MRPL17: variants seen among roughly 807,000 people sequenced by gnomAD.
MRPL17 encodes mitochondrial ribosomal protein L17, also known as large ribosomal subunit protein bL17m.
Under a neutral mutation model 12.0 loss-of-function variants are expected in MRPL17, and 8 were observed. That is an observed-to-expected ratio of 0.67 (90% CI 0.39 to 1.21). The LOEUF (loss-of-function observed/expected upper bound fraction) is 1.21. Among genes scored for constraint, MRPL17 ranks in the 50% most tolerant of loss-of-function variants. The probability of loss-of-function intolerance (pLI) is 0.01; values close to 1 mark genes in which losing one functional copy is unlikely to be tolerated. For synonymous variants in MRPL17, 107 were observed against 92.9 expected, an observed-to-expected ratio of 1.15 and a Z score of -0.87; for missense variants, 263 against 234.4, an observed-to-expected ratio of 1.12 and a Z score of -0.80.
rs1846558648 is a variant in MRPL17 at position 6,681,086 on chromosome 11, A to G, written c.*1032T>C. ...CACTCAGAAGATAGAGCCTAAGATA[A>G]AATCTCTTCTACCCACTTTACTGGG... On this transcript the variant is annotated 3_prime_UTR_variant, in exon 3 of 3. Coordinates refer to ENST00000288937, the MANE Select transcript of MRPL17 (RefSeq NM_022061.4). 6.6e-6 allele frequency: 1 copy of G among 152,184 alleles called. No individual in the cohort carries two copies. The highest frequency in any genetic ancestry group is 1.5e-5 in the Non-Finnish European group (1 of 68,052). 9.4% of individuals were successfully genotyped at this position (152,184 alleles called of 1,614,324 possible).
chr11:6,682,218 G>A lies in MRPL17; in HGVS notation c.428C>T (p.Thr143Ile), dbSNP rs1846573409. The A allele has an allele frequency of 6.2e-7, 1 of 1,614,092 alleles. No individual in the cohort carries two copies. Among genetic ancestry groups the A allele is most frequent in the African/African-American group, 1.3e-5 (1 of 74,926 alleles). The stretch of plus-strand genomic sequence containing the variant: ...ACCCTGCAGCAGCTGGTTTAGGAGT[G>A]TAAGGTGGCTGTCTCTGCGAGGCAG... Reference protein sequence around the residue: ...LPLPRRDSHLTLLNQLLQGLR... With the variant: ...LPLPRRDSHLILLNQLLQGLR... The change falls in exon 3 of 3, where the codon ACA becomes ATA. Residue 143 changes from threonine to isoleucine, a missense_variant. Transcript: ENST00000288937.
intron 1 of MRPL17, 55 bp downstream of exon 1, chr11:6,683,068 G>A: frequency 1.3e-6 from 2 of 1,564,984 alleles, no homozygotes; most frequent in Non-Finnish European, 1.7e-6. Flanking sequence ...CTTGCAGCCG[G>A]CTCCGCCCCC....
At chr11:6,682,946 G>T in intron 1 of MRPL17, 131 bp from the exon 2 acceptor site, 1 of 1,265,350 alleles carries the variant, frequency 7.9e-7, no homozygotes, top group Non-Finnish European at 1.1e-6. Flanking sequence ...CCCTAACTCC[G>T]CAGCCCTAAC....
At chr11:6,683,099 G>C in intron 1 of MRPL17, 24 bp downstream of exon 1, 1 of 1,607,542 alleles carries the variant, frequency 6.2e-7, no homozygotes, top group South Asian at 1.1e-5. Flanking sequence ...CCCGCAGAGT[G>C]GACAAGAGGG....
Position 6,681,929 on chromosome 11 carries a change from A to G in MRPL17, c.*189T>C. On this transcript the variant is annotated 3_prime_UTR_variant, in exon 3 of 3. Coordinates refer to ENST00000288937, the MANE Select transcript of MRPL17 (RefSeq NM_022061.4). ...CAGGAAGGAAAAAATAAATAAATTT[A>G]TATATATTCATATAAAGACTTTTAT... is the stretch of plus-strand genomic sequence containing the variant. The G allele has an allele frequency of 2.6e-6, 1 of 383,884 alleles. No homozygotes were observed. The highest frequency in any genetic ancestry group is 4.5e-6 in the Non-Finnish European group (1 of 223,164). The allele number at this position is 383,884 out of a possible 1,614,324, so 23.8% of individuals were successfully genotyped here.
rs1035601237 is a variant in MRPL17, at chr11:6,680,785, T to C, written c.*1333A>G. ...GGTATATTTTTTAGCAGAAGCAGAG[T>C]TGTAGCTTTATTTCATAAATGTTTT... On this transcript the variant is annotated 3_prime_UTR_variant, in exon 3 of 3. Transcript: ENST00000288937. 5 of 152,166 alleles carry C rather than the reference T, an allele frequency of 3.3e-5. No homozygotes were observed. Among genetic ancestry groups the C allele is most frequent in the African/African-American group, 9.7e-5 (4 of 41,444 alleles). 9.4% of individuals were successfully genotyped at this position (152,166 alleles called of 1,614,324 possible).
chr11:6,682,649 T>G, intron 2 of MRPL17, 98 bp downstream of exon 2: 2 of 1,244,266 alleles, frequency 1.6e-6, no homozygotes, highest in South Asian at 2.4e-5. Context: ...GGCCCATAAG[T>G]GAGTACCCAA....
chr11:6,683,264 A>T lies in MRPL17; in HGVS notation c.33T>A (p.His11Gln), dbSNP rs752868166. The change falls in exon 1 of 3, where the codon CAT becomes CAA. Residue 11 changes from histidine to glutamine, a missense_variant. Coordinates refer to ENST00000288937, the MANE Select transcript of MRPL17 (RefSeq NM_022061.4). MRLSVAAAIS[H>Q]GRVFRRMGLG... is the part of the protein sequence containing the mutation. ...GGCCCATACGGCGAAATACGCGGCC[A>T]TGGGAGATCGCTGCAGCGACCGACA... is the stretch of plus-strand genomic sequence containing the variant. The T allele has an allele frequency of 1.2e-5, 19 of 1,613,790 alleles. No homozygotes were observed. The highest frequency in any genetic ancestry group is 1.4e-5 in the Non-Finnish European group (17 of 1,179,928).
chr11:6,682,768 G>A lies in MRPL17; in HGVS notation c.222C>T (p.Arg74=), dbSNP rs749069071. 1 of 1,614,182 alleles carries A rather than the reference G, an allele frequency of 6.2e-7. No homozygotes were observed. The highest frequency in any genetic ancestry group is 8.5e-7 in the Non-Finnish European group (1 of 1,180,030). ...KLGDTNERAM[R]MADFWLTEKD... is the part of the protein sequence containing the mutation. ...TCACTGTGAGCCAGAAGTCAGCCATGCGCATGGCTCGTTCGTTAGTGTCTC... is the reference window on the plus strand; with the variant it reads ...TCACTGTGAGCCAGAAGTCAGCCATACGCATGGCTCGTTCGTTAGTGTCTC... The change falls in exon 2 of 3, where the codon CGC becomes CGT. Residue 74 remains arginine, a synonymous_variant. Transcript: ENST00000288937.
chr11:6,682,285 C>A lies in MRPL17; in HGVS notation c.361G>T (p.Ala121Ser), dbSNP rs1386664303. The A allele has an allele frequency of 1.2e-6, 2 of 1,614,188 alleles. No individual in the cohort carries two copies. Among genetic ancestry groups the A allele is most frequent in the Non-Finnish European group, 1.7e-6 (2 of 1,180,030 alleles). ...CAATTCCCTTTATACTCGATCACTGCCATCTTGGCCCGATCCAAACTCCGA... is the reference window on the plus strand; with the variant it reads ...CAATTCCCTTTATACTCGATCACTGACATCTTGGCCCGATCCAAACTCCGA... The part of the protein sequence containing the change: ...PNRSLDRAKM[A>S]VIEYKGNCLP... Residue 121 changes from alanine (A) to serine (S), a missense_variant, in exon 3 of 3, where the codon GCA (alanine) becomes TCA (serine). By Grantham distance (99) the Ala-to-Ser change is moderately conservative. Transcript: ENST00000288937.
chr11:6,682,189 G>A lies in MRPL17; in HGVS notation c.457C>T (p.Arg153Trp), dbSNP rs1411236417. Residue 153 changes from arginine to tryptophan, a missense_variant, in exon 3 of 3, where the codon CGG (arginine) becomes TGG (tryptophan). Coordinates refer to ENST00000288937, the MANE Select transcript of MRPL17 (RefSeq NM_022061.4). The stretch of plus-strand genomic sequence containing the variant: ...TCCTGGCTTTGCCTGAGGTCCTGCC[G>A]CAAACCCTGCAGCAGCTGGTTTAGG... Reference protein sequence around the residue: ...TLLNQLLQGLRQDLRQSQEAS... With the variant: ...TLLNQLLQGLWQDLRQSQEAS... The A allele has an allele frequency of 2.5e-6, 4 of 1,614,134 alleles. No individual in the cohort carries two copies. The highest frequency in any genetic ancestry group is 1.7e-4 in the Middle Eastern group (1 of 6,056).
Position 6,682,351 on chromosome 11 carries a change from C to T in MRPL17, c.295G>A (p.Asp99Asn). 6.2e-7 allele frequency: 1 copy of T among 1,614,170 alleles called. No homozygotes were observed. The highest frequency in any genetic ancestry group is 2.2e-5 in the East Asian group (1 of 44,880). ...ATTCTTGTGTAGCCCCCAGTTTGATCTTTGTACCGAGGGGCCAGTACTTGA... is the reference window on the plus strand; with the variant it reads ...ATTCTTGTGTAGCCCCCAGTTTGATTTTTGTACCGAGGGGCCAGTACTTGA... ...LFQVLAPRYK[D>N]QTGGYTRMLQ... The change falls in exon 3 of 3, where the codon GAT becomes AAT. Residue 99 changes from aspartate to asparagine, a missense_variant. Coordinates refer to ENST00000288937, the MANE Select transcript of MRPL17 (RefSeq NM_022061.4).
Position 6,681,927 on chromosome 11 carries a change from T to TTA in MRPL17, c.*189_*190dup, listed in dbSNP as rs896778139. On this transcript the variant is annotated 3_prime_UTR_variant, in exon 3 of 3. Coordinates refer to ENST00000288937, the MANE Select transcript of MRPL17 (RefSeq NM_022061.4). Reference sequence around the variant, plus strand: ...CACAGGAAGGAAAAAATAAATAAATTTATATATATTCATATAAAGACTTTT... The same window carrying TTA: ...CACAGGAAGGAAAAAATAAATAAATTTATATATATATTCATATAAAGACTTTT... The TTA allele has an allele frequency of 7.9e-6, 3 of 378,236 alleles. No homozygotes were observed. The highest frequency in any genetic ancestry group is 1.4e-5 in the Non-Finnish European group (3 of 220,124). The allele number at this position is 378,236 out of a possible 1,614,324, so 23.4% of individuals were successfully genotyped here. A position where few individuals can be genotyped will look rare whatever the true frequency, so the allele number is the denominator to read the frequency against.
chr11:6,683,166 G>A lies in MRPL17; in HGVS notation c.131C>T (p.Ala44Val), dbSNP rs1846588513. 1.2e-6 allele frequency: 2 copies of A among 1,614,026 alleles called. No homozygotes were observed. Among genetic ancestry groups the A allele is most frequent in the African/African-American group, 1.3e-5 (1 of 74,932 alleles). The change falls in exon 1 of 3, where the codon GCA (alanine) becomes GTA (valine). Residue 44 changes from alanine (A) to valine (V), a missense_variant. Ala to Val is a moderately conservative substitution (Grantham distance 64). Coordinates refer to ENST00000288937, the MANE Select transcript of MRPL17 (RefSeq NM_022061.4). Reference sequence around the variant, plus strand: ...CATTTCGTCCACACGCGCCCATGGTGCCTCGATGCGTTCGTGCCGCACCAG... The same window carrying A: ...CATTTCGTCCACACGCGCCCATGGTACCTCGATGCGTTCGTGCCGCACCAG... Reference protein sequence around the residue: ...TGLVRHERIEAPWARVDEMRG... With the variant: ...TGLVRHERIEVPWARVDEMRG...
chr11:6,682,531 CAT>C, intron 2 of MRPL17, 129 bp from the exon 3 acceptor site: 1 of 1,169,386 alleles, frequency 8.6e-7, no homozygotes, highest in African/African-American at 1.5e-5. Flanking sequence ...GCCAATCTGG[CAT>C]AGTCAGTGTT....
chr11:6,682,239 G>C lies in MRPL17; in HGVS notation c.407C>G (p.Pro136Arg). ...KGNCLPPLPL[P>R]RRDSHLTLLN... ...GAGTGTAAGGTGGCTGTCTCTGCGAGGCAGAGGCAGGGGTGGGAGGCAATT... is the reference window on the plus strand; with the variant it reads ...GAGTGTAAGGTGGCTGTCTCTGCGACGCAGAGGCAGGGGTGGGAGGCAATT... Residue 136 changes from proline (P) to arginine (R), a missense_variant, in exon 3 of 3, where the codon CCT becomes CGT. Transcript: ENST00000288937. 1 of 1,614,170 alleles carries C rather than the reference G, an allele frequency of 6.2e-7. No individual in the cohort carries two copies. The highest frequency in any genetic ancestry group is 8.5e-7 in the Non-Finnish European group (1 of 1,180,030).
rs1487986776 is a variant in MRPL17, at chr11:6,681,568, C to CA, written c.*549dup. 1 of 152,242 alleles carries CA rather than the reference C, an allele frequency of 6.6e-6. No individual in the cohort carries two copies. The highest frequency in any genetic ancestry group is 2.4e-5 in the African/African-American group (1 of 41,448). 9.4% of individuals were successfully genotyped at this position (152,242 alleles called of 1,614,324 possible). On this transcript the variant is annotated 3_prime_UTR_variant, in exon 3 of 3. Coordinates refer to ENST00000288937, the MANE Select transcript of MRPL17 (RefSeq NM_022061.4). The stretch of plus-strand genomic sequence containing the variant: ...GGTAATGTGTGATCCTGCCTCAAAA[C>CA]AGAGGACTGATTGCAGTATCCCCTG...
In MRPL17 at chr11:6,683,329, G is replaced by A. The variant is rs757316076; in HGVS notation, c.-33C>T. The A allele has an allele frequency of 3.8e-6, 6 of 1,591,124 alleles. No individual in the cohort carries two copies. Among genetic ancestry groups the A allele is most frequent in the Non-Finnish European group, 5.1e-6 (6 of 1,166,196 alleles). ...ACTTCTGCCCGCCCCTTGGAGGCCG[G>A]AACTGGAAACTGGAAGGTAGAGCCG... On this transcript the variant is annotated 5_prime_UTR_variant, in exon 1 of 3. Coordinates refer to ENST00000288937, the MANE Select transcript of MRPL17 (RefSeq NM_022061.4).
rs1004586642 is a variant in MRPL17 at position 6,682,017 on chromosome 11, C to T, written c.*101G>A. 2.4e-5 allele frequency: 35 copies of T among 1,434,264 alleles called. No individual in the cohort carries two copies. The highest frequency in any genetic ancestry group is 3.1e-5 in the Non-Finnish European group (33 of 1,061,282). 88.8% of individuals were successfully genotyped at this position (1,434,264 alleles called of 1,614,324 possible). A position where few individuals can be genotyped will look rare whatever the true frequency, so the allele number is the denominator to read the frequency against. ...GGTTCTCAACCCCATCAAGACTGTCCATTTTACATCTCTAGCTCCAGTTCT... is the reference window on the plus strand; with the variant it reads ...GGTTCTCAACCCCATCAAGACTGTCTATTTTACATCTCTAGCTCCAGTTCT... On this transcript the variant is annotated 3_prime_UTR_variant, in exon 3 of 3. Coordinates refer to ENST00000288937, the MANE Select transcript of MRPL17 (RefSeq NM_022061.4).
Sources: gnomAD v4.1 joint callset for allele counts on GRCh38, gnomAD v4.1.1 for gene constraint, MANE v1.5 for transcripts, NCBI Gene and HGNC (gene_info 2026-07-23, HGNC 2026-07-21) for gene names.